TAF3: variants seen among roughly 807,000 people sequenced by gnomAD.
The protein encoded by TAF3 is TATA-box binding protein associated factor 3.
In TAF3, 7 loss-of-function variants were observed where a neutral mutation model predicts 80.6. The observed-to-expected ratio is 0.09, with a 90% CI of 0.05 to 0.16. The LOEUF is 0.16. Among genes scored for constraint, TAF3 ranks in the 10% least tolerant of loss-of-function variants. The pLI is 1.00. For missense variants in TAF3, 921 were observed against 1,140.2 expected, an observed-to-expected ratio of 0.81 and a Z score of 2.77; for synonymous variants, 444 against 446.1, an observed-to-expected ratio of 1.00 and a Z score of 0.06.
intron 2 of TAF3, among the ~76,000 whole-genome samples, chr10:7,853,786 A>T (rs1376010845): frequency 6.6e-6 from 1 of 152,208 alleles, no homozygotes; most frequent in Non-Finnish European, 1.5e-5. Context: ...CCAAAAGCCT[A>T]AAATAGTTAC....
At chr10:7,993,118 A>G (rs770350232) in intron 4 of TAF3, among the ~76,000 whole-genome samples, 1 of 152,146 alleles carries the variant, frequency 6.6e-6, no homozygotes, top group Non-Finnish European at 1.5e-5. Flanking sequence ...CCAGACTTAT[A>G]TCTCATAAGG....
chr10:7,966,429 G>A (rs1003452019), intron 3 of TAF3, among the ~76,000 whole-genome samples: 1 of 152,120 alleles, frequency 6.6e-6, no homozygotes, highest in African/African-American at 2.4e-5. Flanking sequence ...CATACAGCCC[G>A]ACAAACTGAT....
At chr10:8,012,596 C>T (rs933322705) in intron 5 of TAF3, among the ~76,000 whole-genome samples, 1 of 152,220 alleles carries the variant, frequency 6.6e-6, no homozygotes, top group Non-Finnish European at 1.5e-5. Context: ...GGCCTCTAGA[C>T]AGCAGGTACG....
At position 7,965,670 on chromosome 10, in the gene TAF3, G is replaced by A. The variant is rs766162348; in HGVS notation, c.2160G>A (p.Glu720=). Residue 720 remains glutamate (E), a synonymous_variant, in exon 3 of 7, where the codon GAG becomes GAA. Transcript: ENST00000344293. ...KKKEKEKEKK[E]KEREKEKRER... ...AGGAAAAAGAGAAGGAGAAGAAGGA[G>A]AAGGAAAGAGAGAAAGAGAAGAGAG... 3.8e-6 allele frequency: 6 copies of A among 1,573,370 alleles called. No homozygotes were observed. The highest frequency in any genetic ancestry group is 3.6e-5 in the South Asian group (3 of 82,538).
At chr10:7,923,514 A>G (rs1210726539) in intron 2 of TAF3, among the ~76,000 whole-genome samples, 1 of 151,906 alleles carries the variant, frequency 6.6e-6, no homozygotes, top group African/African-American at 2.4e-5. Flanking sequence ...AAAATATCTC[A>G]GAAAGAGCTT....
chr10:8,008,103 T>TC (rs1832014801), intron 4 of TAF3, among the ~76,000 whole-genome samples: 1 of 148,554 alleles, frequency 6.7e-6, no homozygotes, highest in Admixed American at 6.7e-5. Flanking sequence ...TTTTTTTTTT[T>TC]TTTTTTTTTT....
At position 7,862,546 on chromosome 10, in the gene TAF3, T is replaced by G. The variant is rs35953216; in HGVS notation, c.409+37986T>G. ...GAGGCATAATTTATGTTCAGTAAAC[T>G]GTACATGTTTATAACATTTTTAAGT... On this transcript the variant is annotated intron_variant, in intron 2 of 6. Coordinates refer to ENST00000344293, the MANE Select transcript of TAF3 (RefSeq NM_031923.4). Among the ~76,000 whole-genome samples the G allele has an allele frequency of 5.5e-3, 839 of 152,360 alleles. 8 individuals carry two copies. Among genetic ancestry groups the G allele is most frequent in the South Asian group, 0.023 (113 of 4,826 alleles).
At chr10:7,994,505 GTATT>G (rs1831865544) in intron 4 of TAF3, among the ~76,000 whole-genome samples, 1 of 152,076 alleles carries the variant, frequency 6.6e-6, no homozygotes, top group Non-Finnish European at 1.5e-5. Flanking sequence ...TTACTGTTAC[GTATT>G]TATTTATTGT....
At chr10:8,005,525 T>G (rs1831983071) in intron 4 of TAF3, among the ~76,000 whole-genome samples, 1 of 152,246 alleles carries the variant, frequency 6.6e-6, no homozygotes, top group Non-Finnish European at 1.5e-5. Context: ...GGGAGTTCTA[T>G]TACACCTTCC....
chr10:7,920,699 T>G (rs1396679840), intron 2 of TAF3, among the ~76,000 whole-genome samples: 10 of 152,206 alleles, frequency 6.6e-5, no homozygotes, highest in Admixed American at 6.5e-4. Context: ...AGTTAATTGT[T>G]GTCATTCTTT....
At chr10:7,861,787 T>A (rs1837150896) in intron 2 of TAF3, among the ~76,000 whole-genome samples, 1 of 147,122 alleles carries the variant, frequency 6.8e-6, no homozygotes, top group African/African-American at 2.4e-5. Flanking sequence ...TGGTTTTCTT[T>A]CTTTTTTTTT....
intron 2 of TAF3, among the ~76,000 whole-genome samples, chr10:7,947,160 T>A (rs1223842597): frequency 6.6e-6 from 1 of 152,204 alleles, no homozygotes; most frequent in Non-Finnish European, 1.5e-5. Context: ...CCCATCTCCT[T>A]CTCCGGCCCC....
chr10:7,950,002 A>C (rs192104188), intron 2 of TAF3, among the ~76,000 whole-genome samples: 19 of 152,348 alleles, frequency 1.2e-4, no homozygotes, highest in Non-Finnish European at 2.5e-4. Context: ...AATTAGAGTC[A>C]ATGATACATG....
intron 2 of TAF3, among the ~76,000 whole-genome samples, chr10:7,838,918 T>G (rs1194905939): frequency 2.1e-5 from 3 of 141,332 alleles, no homozygotes; most frequent in Non-Finnish European, 3.1e-5. Context: ...GTTTTTTTTT[T>G]TTTTTGGTTT....
chr10:7,832,402 A>T (rs1402839601), intron 2 of TAF3, among the ~76,000 whole-genome samples: 1 of 152,136 alleles, frequency 6.6e-6, no homozygotes, highest in Non-Finnish European at 1.5e-5. Flanking sequence ...GAATAATAAT[A>T]CTTTTTAATT....
intron 2 of TAF3, among the ~76,000 whole-genome samples, chr10:7,961,458 T>C (rs1392454770): frequency 1.3e-5 from 2 of 152,250 alleles, no homozygotes; most frequent in African/African-American, 4.8e-5. Context: ...AGCATTTGGC[T>C]TTGTTCACCT....
At chr10:7,841,594 A>G (rs573086143) in intron 2 of TAF3, among the ~76,000 whole-genome samples, 1 of 152,236 alleles carries the variant, frequency 6.6e-6, no homozygotes, top group African/African-American at 2.4e-5. Context: ...GGATGGACTC[A>G]AGAGGAGATG....
At chr10:7,873,624 C>CCG (rs1554779082) in intron 2 of TAF3, among the ~76,000 whole-genome samples, 1 of 143,536 alleles carries the variant, frequency 7.0e-6, no homozygotes, top group Non-Finnish European at 1.6e-5. Flanking sequence ...TTCTCCCCCC[C>CCG]CCCCCGTCAA....
chr10:7,886,275 G>A (rs1035703631), intron 2 of TAF3, among the ~76,000 whole-genome samples: 4 of 152,012 alleles, frequency 2.6e-5, no homozygotes, highest in African/African-American at 2.4e-5. Flanking sequence ...ATAACCAGCC[G>A]CTCCCTAATG....
Sources: gnomAD v4.1 joint callset for allele counts (sites outside exome capture counted in the v4.1 genomes callset) on GRCh38, gnomAD v4.1.1 for gene constraint, MANE v1.5 for transcripts, NCBI Gene and HGNC (gene_info 2026-07-23, HGNC 2026-07-21) for gene names.